The following FAM227B variants were observed in gnomAD, a reference collection of about 807,000 sequenced individuals.
FAM227B encodes family with sequence similarity 227 member B, also known as protein FAM227B.
A neutral mutation model predicts 73.8 loss-of-function variants in FAM227B; 88 were observed. That is an observed-to-expected ratio of 1.19 (90% CI 1.00 to 1.42). The LOEUF is 1.42. FAM227B is among the 40% of genes most tolerant of loss of function. The pLI is 0.00. For synonymous variants in FAM227B, 210 were observed against 190.5 expected, an observed-to-expected ratio of 1.10 and a Z score of -0.84; for missense variants, 632 against 590.9, an observed-to-expected ratio of 1.07 and a Z score of -0.72.
At chr15:49,519,616 T>C (rs1177141309) in intron 10 of FAM227B, among the ~76,000 whole-genome samples, 1 of 151,900 alleles carries the variant, frequency 6.6e-6, no homozygotes, top group African/African-American at 2.4e-5. Context: ...ACATTGTATT[T>C]TGGCTCCATT....
Position 49,541,786 on chromosome 15 carries a change from T to C in FAM227B, c.768A>G (p.Ala256=). 6.7e-7 allele frequency: 1 copy of C among 1,502,228 alleles called. No individual in the cohort carries two copies. Among genetic ancestry groups the C allele is most frequent in the East Asian group, 2.5e-5 (1 of 40,120 alleles). 93.1% of individuals were successfully genotyped at this position (1,502,228 alleles called of 1,614,324 possible). Residue 256 remains alanine (A), a synonymous_variant, in exon 10 of 16, where the codon GCA becomes GCG. Transcript: ENST00000299338. ...CATGGAACGTTGCATATATGGCTTG[T>C]GCCAAACAATCAGGATATATCTACC... ...AFFQIYPDCL[A]QAIYATFHEA... is the part of the protein sequence containing the mutation.
At chr15:49,391,036 C>T (rs540829780) in intron 11 of FAM227B, among the ~76,000 whole-genome samples, 3 of 152,068 alleles carry the variant, frequency 2.0e-5, no homozygotes, top group African/African-American at 7.2e-5. Flanking sequence ...ACTCACTTTC[C>T]AATTGGGTCT....
intron 11 of FAM227B, among the ~76,000 whole-genome samples, chr15:49,414,621 C>T (rs1432795396): frequency 6.6e-6 from 1 of 151,734 alleles, no homozygotes; most frequent in Non-Finnish European, 1.5e-5. Context: ...CTCATAACAA[C>T]ATTTAAAATG....
intron 13 of FAM227B, among the ~76,000 whole-genome samples, chr15:49,364,947 T>C (rs1318045573): frequency 2.6e-5 from 4 of 152,134 alleles, no homozygotes; most frequent in Non-Finnish European, 5.9e-5. Context: ...AACTTTAACA[T>C]TAAAAGCAAA....
intron 11 of FAM227B, among the ~76,000 whole-genome samples, chr15:49,440,524 A>C (rs777414175): frequency 5.9e-5 from 9 of 151,812 alleles, no homozygotes; most frequent in Non-Finnish European, 1.0e-4. Flanking sequence ...AAATTATCTA[A>C]AATGAACATA....
Position 49,543,678 on chromosome 15 carries a change from G to A in FAM227B, c.748-1872C>T, listed in dbSNP as rs368978733. On this transcript the variant is annotated intron_variant, in intron 9 of 15. Coordinates refer to ENST00000299338, the MANE Select transcript of FAM227B (RefSeq NM_152647.3). ...TTTGAGCCATCTTCAGTTGACTTTT[G>A]TATAAGAGACAAGTATCCAGCTTTA... Among the ~76,000 whole-genome samples the A allele has an allele frequency of 1.4e-4, 21 of 152,028 alleles. No individual in the cohort carries two copies. The South Asian group carries it at 1.7e-3, about 12-fold the overall frequency.
intron 9 of FAM227B, among the ~76,000 whole-genome samples, chr15:49,563,057 C>A (rs2074380646): frequency 6.6e-6 from 1 of 152,080 alleles, no homozygotes; most frequent in Non-Finnish European, 1.5e-5. Context: ...GTCAAATTAT[C>A]TCTCTTCACT....
intron 5 of FAM227B, among the ~76,000 whole-genome samples, chr15:49,582,658 T>C (rs1334500611): frequency 2.0e-5 from 3 of 151,998 alleles, no homozygotes; most frequent in Non-Finnish European, 4.4e-5. Context: ...AACTCACCAC[T>C]CCAAAATAAC....
chr15:49,536,210 A>G (rs1044056212), intron 10 of FAM227B, among the ~76,000 whole-genome samples: 9 of 151,862 alleles, frequency 5.9e-5, no homozygotes, highest in African/African-American at 1.7e-4. Flanking sequence ...GTTAGAACTG[A>G]TAAGTGATTT....
intron 9 of FAM227B, among the ~76,000 whole-genome samples, chr15:49,562,417 A>C (rs890304306): frequency 6.6e-6 from 1 of 152,020 alleles, no homozygotes; most frequent in African/African-American, 2.4e-5. Flanking sequence ...AGTAAAATCT[A>C]CCAGTTGAAG....
intron 11 of FAM227B, among the ~76,000 whole-genome samples, chr15:49,414,441 G>A (rs1044239313): frequency 1.3e-5 from 2 of 152,114 alleles, no homozygotes; most frequent in African/African-American, 4.8e-5. Flanking sequence ...CAAACCAAGT[G>A]AGAGAGCCTA....
At chr15:49,480,699 T>G (rs1446817163) in intron 11 of FAM227B, among the ~76,000 whole-genome samples, 1 of 152,068 alleles carries the variant, frequency 6.6e-6, no homozygotes, top group Non-Finnish European at 1.5e-5. Flanking sequence ...GCCAGGTTAG[T>G]ATTGAATTCC....
chr15:49,469,767 A>C (rs1295615979), intron 11 of FAM227B, among the ~76,000 whole-genome samples: 1 of 152,152 alleles, frequency 6.6e-6, no homozygotes, highest in Non-Finnish European at 1.5e-5. Flanking sequence ...ATGCCTTTAA[A>C]AGTGATTGAT....
rs1490144948 is a variant in FAM227B, at chr15:49,588,582, TATATATATATATATATATAA to T, written c.338-519_338-500del. On this transcript the variant is annotated intron_variant, in intron 4 of 15. Transcript: ENST00000299338. Reference sequence around the variant, plus strand: ...ATATATATATATATATATATATATATATATATATATATATATATAAAATTACCTTTTTTAAAAAACAGAAG... The same window carrying T: ...ATATATATATATATATATATATATATAATTACCTTTTTTAAAAAACAGAAG... Among the ~76,000 whole-genome samples the T allele has an allele frequency of 1.0e-4, 12 of 118,936 alleles. No individual in the cohort carries two copies. In the East Asian group the frequency reaches 3.1e-3, roughly 31 times the overall value. The allele number at this position is 118,936 out of a possible 152,430, so 78.0% of individuals were successfully genotyped here.
rs2151110416 is a variant in FAM227B, at chr15:49,327,474, G to A, written c.*1094C>T. ...TTTGAAACAGCCCGGCCTTAAGAAT[G>A]CAGCTGAAATAGCCATTGGGGAAAA... On this transcript the variant is annotated 3_prime_UTR_variant, in exon 16 of 16. Transcript: ENST00000299338. 1 of 152,684 alleles carries A rather than the reference G, an allele frequency of 6.5e-6. No homozygotes were observed. Among genetic ancestry groups the A allele is most frequent in the East Asian group, 1.9e-4 (1 of 5,190 alleles). The allele number at this position is 152,684 out of a possible 1,614,324, so 9.5% of individuals were successfully genotyped here.
chr15:49,427,900 T>C lies in FAM227B; in HGVS notation c.1013-56501A>G, dbSNP rs139692825. On this transcript the variant is annotated intron_variant, in intron 11 of 15. Coordinates refer to ENST00000299338, the MANE Select transcript of FAM227B (RefSeq NM_152647.3). ...TGTGACTGCTCATGTCTCATAACTT[T>C]AGGGAATTTTAAAAAATTACTTAAG... is the stretch of plus-strand genomic sequence containing the variant. Among the ~76,000 whole-genome samples the C allele has an allele frequency of 8.2e-4, 124 of 152,136 alleles. 2 individuals are homozygous for C. The highest frequency in any genetic ancestry group is 2.9e-3 in the Admixed American group (44 of 15,252).
At chr15:49,491,608 C>A (rs558041604) in intron 11 of FAM227B, among the ~76,000 whole-genome samples, 2 of 151,950 alleles carry the variant, frequency 1.3e-5, no homozygotes, top group African/African-American at 4.8e-5. Context: ...GGACAAAGCT[C>A]AAGTTTAATG....
chr15:49,426,305 A>G (rs1157316601), intron 11 of FAM227B, among the ~76,000 whole-genome samples: 2 of 152,010 alleles, frequency 1.3e-5, no homozygotes, highest in Non-Finnish European at 2.9e-5. Flanking sequence ...TACCCATTGT[A>G]TAATTATCTC....
At chr15:49,452,728 G>T (rs896926265) in intron 11 of FAM227B, among the ~76,000 whole-genome samples, 1 of 152,058 alleles carries the variant, frequency 6.6e-6, no homozygotes, top group Admixed American at 6.6e-5. Context: ...TCTTTATTGG[G>T]TGACTGAGAT....
Sources: allele counts gnomAD v4.1 joint callset (sites outside exome capture counted in the v4.1 genomes callset), GRCh38; gene constraint gnomAD v4.1.1; transcripts MANE v1.5; gene names NCBI Gene and HGNC (gene_info 2026-07-23, HGNC 2026-07-21).